The following LAIR1 variants were observed in gnomAD, a reference collection of about 807,000 sequenced individuals.
LAIR1 encodes the protein leukocyte-associated immunoglobulin-like receptor 1.
In LAIR1, 24 loss-of-function variants were observed where a neutral mutation model predicts 32.8. The observed-to-expected ratio is 0.73, with a 90% CI of 0.53 to 1.03. LAIR1 has a LOEUF of 1.03. LAIR1 is among the 50% of genes least tolerant of loss of function. The pLI, the probability that LAIR1 is intolerant of heterozygous loss-of-function variation, is 0.00. For missense variants in LAIR1, 355 were observed against 347.5 expected (o/e 1.02, Z -0.17); for synonymous variants, 150 against 140.5 (o/e 1.07, Z -0.48).
chr19:54,365,781 TAAAA>T (rs143572464), upstream of LAIR1, among the ~76,000 whole-genome samples: 1 of 131,700 alleles, frequency 7.6e-6, no homozygotes, highest in African/African-American at 2.8e-5. Flanking sequence ...AGACTCTGTC[TAAAA>T]AAAAAAAAAA....
upstream of LAIR1, among the ~76,000 whole-genome samples, chr19:54,366,015 A>G (rs1463575583): frequency 1.3e-5 from 2 of 152,218 alleles, no homozygotes; most frequent in African/African-American, 4.8e-5. Context: ...CAAGCGACGC[A>G]GAGGCAGAGA....
upstream of LAIR1, chr19:54,365,118 G>T (rs2082211420): frequency 6.0e-6 from 7 of 1,174,984 alleles, no homozygotes; most frequent in Non-Finnish European, 7.4e-6. Context: ...GCAGAATAAA[G>T]GTCGGGCAAC....
intron 1 of LAIR1, chr19:54,370,117 C>T (rs2082369011): frequency 5.3e-6 from 3 of 563,142 alleles, no homozygotes; most frequent in Non-Finnish European, 9.7e-6. Flanking sequence ...GTACTTCTTG[C>T]TGTTTTCAGG....
At chr19:54,356,193 C>T in intron 8 of LAIR1, 37 bp downstream of exon 8, 2 of 1,570,682 alleles carry the variant, frequency 1.3e-6, no homozygotes, top group Non-Finnish European at 1.7e-6. Flanking sequence ...GTCCCCACTT[C>T]CCCATCCCAG....
rs1221001459 is a variant in LAIR1 at position 54,356,956 on chromosome 19, C to T, written c.426G>A (p.Gln142=). 6.2e-7 allele frequency: 1 copy of T among 1,613,822 alleles called. No homozygotes were observed. Among genetic ancestry groups the T allele is most frequent in the East Asian group, 2.2e-5 (1 of 44,874 alleles). The change falls in exon 5 of 10, where the codon CAG becomes CAA. Residue 142 remains glutamine (Q), a synonymous_variant. Transcript: ENST00000391742. ...CATTGTGACTGTTGTCCGACGGCCT[C>T]TGCGTGGGTCCTGGGAGGGAGGAAT... The part of the protein sequence containing the change: ...TEPGSSAGPT[Q]RPSDNSHNEH...
chr19:54,361,268 A>G (rs764284160), intron 2 of LAIR1, 59 bp from the exon 3 acceptor site: 1 of 1,555,072 alleles, frequency 6.4e-7, no homozygotes, highest in South Asian at 1.1e-5. Flanking sequence ...CATGCCACAC[A>G]CGTCATTTTA....
Position 54,356,230 on chromosome 19 carries a change from C to T in LAIR1, c.664G>A (p.Asp222Asn). The change falls in exon 8 of 10, where the codon GAC (aspartate) becomes AAC (asparagine). Residue 222 changes from aspartate to asparagine, a missense_variant and splice_region_variant. Coordinates refer to ENST00000391742, the MANE Select transcript of LAIR1 (RefSeq NM_002287.6). Reference sequence around the variant, plus strand: ...CCTGTCCCTCCTCCTCCCCCTTTACCTGCTGTCCTCTCTAGAACATCAACA... The same window carrying T: ...CCTGTCCCTCCTCCTCCCCCTTTACTTGCTGTCCTCTCTAGAACATCAACA... ...LAVDVLERTADKATVNGLPEK... is the reference protein window; with the variant it reads ...LAVDVLERTANKATVNGLPEK... 2 of 1,613,196 alleles carry T rather than the reference C, an allele frequency of 1.2e-6. No homozygotes were observed. Among genetic ancestry groups the T allele is most frequent in the Non-Finnish European group, 1.7e-6 (2 of 1,179,626 alleles).
upstream of LAIR1, among the ~76,000 whole-genome samples, chr19:54,373,531 A>G (rs1464011633): frequency 6.6e-6 from 1 of 152,252 alleles, no homozygotes; most frequent in Non-Finnish European, 1.5e-5. Flanking sequence ...AGATTCAGGA[A>G]TGAACAAAAC....
upstream of LAIR1, chr19:54,368,166 A>G (rs2082314293): frequency 6.6e-6 from 1 of 152,166 alleles, no homozygotes; most frequent in Admixed American, 6.6e-5. Flanking sequence ...CAAGCTGAAT[A>G]CTGAACCTGG....
At chr19:54,373,227 G>A (rs978119566), upstream of LAIR1, among the ~76,000 whole-genome samples, 4 of 151,262 alleles carry the variant, frequency 2.6e-5, no homozygotes, top group Admixed American at 1.3e-4. Context: ...CAGATCACGA[G>A]GTCAGGTGAT....
intron 2 of LAIR1, among the ~76,000 whole-genome samples, chr19:54,362,149 G>T (rs1296699874): frequency 2.0e-5 from 3 of 151,998 alleles, no homozygotes; most frequent in Non-Finnish European, 2.9e-5. Context: ...CTCACTTTGC[G>T]TAGTTAATTG....
chr19:54,357,824 TC>T (rs2081798815), intron 4 of LAIR1, among the ~76,000 whole-genome samples: 1 of 151,800 alleles, frequency 6.6e-6, no homozygotes, highest in Admixed American at 6.6e-5. Context: ...GGAATGTCCT[TC>T]CCTCCTGCCT....
upstream of LAIR1, among the ~76,000 whole-genome samples, chr19:54,372,700 G>C (rs1345375748): frequency 6.7e-6 from 1 of 149,654 alleles, no homozygotes; most frequent in Non-Finnish European, 1.5e-5. Context: ...ATGCTGACCA[G>C]GCTGGTCTCG....
At position 54,364,275 on chromosome 19, in the gene LAIR1, G is replaced by C. The variant is rs764122828; in HGVS notation, c.70+20C>G. 1.2e-5 allele frequency: 19 copies of C among 1,608,192 alleles called. No individual in the cohort carries two copies. The South Asian group carries it at 2.0e-4, about 17-fold the overall frequency. On this transcript the variant is annotated intron_variant, in intron 2 of 9. Coordinates refer to ENST00000391742, the MANE Select transcript of LAIR1 (RefSeq NM_002287.6). The surrounding 1 kb of genome is among the most constrained non-coding windows in gnomAD (Gnocchi z 4.8). The stretch of plus-strand genomic sequence containing the variant: ...GGGTGACAGAGGGGACTGGGAAGAT[G>C]GGACGAAGGCATGACTTACCCTCCT...
At chr19:54,371,774 G>A (rs1444948369), upstream of LAIR1, among the ~76,000 whole-genome samples, 5 of 151,360 alleles carry the variant, frequency 3.3e-5, no homozygotes, top group East Asian at 1.9e-4. Context: ...TTGTTCCTGC[G>A]TTTCTCCATT....
chr19:54,363,585 C>G (rs1467766061), intron 2 of LAIR1, among the ~76,000 whole-genome samples: 6 of 152,176 alleles, frequency 3.9e-5, no homozygotes, highest in Non-Finnish European at 7.3e-5. Flanking sequence ...GGAGAATGTG[C>G]TGTGTATATG....
In LAIR1 at chr19:54,353,176, A is replaced by AG. The variant is rs2081569127; in HGVS notation, c.*2091dup. The stretch of plus-strand genomic sequence containing the variant: ...AACTCCATCTCAAAAAAAAAAAAAA[A>AG]GAGAGAGAGAGACAGAGAGACACAC... On this transcript the variant is annotated 3_prime_UTR_variant, in exon 10 of 10. Coordinates refer to ENST00000391742, the MANE Select transcript of LAIR1 (RefSeq NM_002287.6). The AG allele has an allele frequency of 1.5e-5, 2 of 130,882 alleles. No homozygotes were observed. The highest frequency in any genetic ancestry group is 2.7e-5 in the African/African-American group (1 of 37,216). The allele number at this position is 130,882 out of a possible 1,614,324, so 8.1% of individuals were successfully genotyped here. A position where few individuals can be genotyped will look rare whatever the true frequency, so the allele number is the denominator to read the frequency against.
rs779319365 is a variant in LAIR1, at chr19:54,356,009, TG to T, written c.665-4del. ...AAGTCCATTGACTGTGGCCTTGTCT[TG>T]GGGAGAAAATACATGGTCAGTTTTC... On this transcript the variant is annotated splice_region_variant and splice_polypyrimidine_tract_variant and intron_variant, in intron 8 of 9. Transcript: ENST00000391742. 3.7e-6 allele frequency: 6 copies of T among 1,608,822 alleles called. No individual in the cohort carries two copies. The highest frequency in any genetic ancestry group is 5.1e-6 in the Non-Finnish European group (6 of 1,175,130).
At position 54,355,703 on chromosome 19, in the gene LAIR1, A is replaced by T. The variant is rs995006039; in HGVS notation, c.717+251T>A. 6.6e-6 allele frequency among the ~76,000 whole-genome samples: 1 copy of T among 152,142 alleles called. No individual in the cohort carries two copies. The highest frequency in any genetic ancestry group is 1.5e-5 in the Non-Finnish European group (1 of 68,020). ...CCTCTGGGGGAAGCCGGCTGTGTGG[A>T]GAGGCCCCTGTGAGAGGAACAGAGG... On this transcript the variant is annotated intron_variant, in intron 9 of 9. Transcript: ENST00000391742. The surrounding 1 kb of genome is among the most constrained non-coding windows in gnomAD (Gnocchi z 4.7).
Sources: gnomAD v4.1 joint callset for allele counts (sites outside exome capture counted in the v4.1 genomes callset) on GRCh38, gnomAD v4.1.1 for gene constraint, Gnocchi (gnomAD v3.1) non-coding constraint, MANE v1.5 for transcripts, NCBI Gene and HGNC (gene_info 2026-07-23, HGNC 2026-07-21) for gene names.